Variants in TPMT observed in about 807,000 individuals in gnomAD.
The protein encoded by TPMT is S-adenosyl-L-methionine:thiopurine S-methyltransferase.
Under a neutral mutation model 34.2 loss-of-function variants are expected in TPMT, and 18 were observed. That is an observed-to-expected ratio of 0.53 (90% confidence interval 0.36 to 0.78). TPMT has a LOEUF of 0.78. TPMT is among the 30% of genes least tolerant of loss of function. TPMT has a pLI of 0.00. For synonymous variants in TPMT, 69 were observed against 92.4 expected (o/e 0.75, Z 1.45); for missense variants, 265 against 288.1 (o/e 0.92, Z 0.58).
At position 18,145,103 on chromosome 6, in the gene TPMT, C is replaced by G. The variant is rs575568080; in HGVS notation, c.234-1375G>C. Among the ~76,000 whole-genome samples the G allele has an allele frequency of 1.3e-5, 2 of 152,216 alleles. No homozygotes were observed. The highest frequency in any genetic ancestry group is 2.9e-5 in the Non-Finnish European group (2 of 68,002). On this transcript the variant is annotated intron_variant, in intron 3 of 8. Transcript: ENST00000309983. This position sits in a 1 kb window ranked among gnomAD's most constrained non-coding sequence, Gnocchi z 5.6. ...TCTAGGCACAGTTATGATTTTATGT[C>G]AAGTGAAATAAAAACATAGTTCTGC...
rs1309500943 is a variant in TPMT at position 18,153,833 on chromosome 6, G to C, written c.-45+1200C>G. Among the ~76,000 whole-genome samples the C allele has an allele frequency of 6.6e-6, 1 of 152,218 alleles. No homozygotes were observed. Among genetic ancestry groups the C allele is most frequent in the Non-Finnish European group, 1.5e-5 (1 of 68,036 alleles). On this transcript the variant is annotated intron_variant, in intron 1 of 8. Transcript: ENST00000309983. This position sits in a 1 kb window ranked among gnomAD's most constrained non-coding sequence, Gnocchi z 4.2. The stretch of plus-strand genomic sequence containing the variant: ...TAAAAGAGAAGCATAATCTTTATCA[G>C]AGTTCCACAGCAGCCTGGAGTAGCA...
rs1783900849 is a variant in TPMT at position 18,129,756 on chromosome 6, G to A, written c.*912C>T. 1.3e-5 allele frequency: 2 copies of A among 152,124 alleles called. No homozygotes were observed. The highest frequency in any genetic ancestry group is 2.4e-5 in the African/African-American group (1 of 41,396). The allele number at this position is 152,124 out of a possible 1,614,324, so 9.4% of individuals were successfully genotyped here. A position where few individuals can be genotyped will look rare whatever the true frequency, so the allele number is the denominator to read the frequency against. The stretch of plus-strand genomic sequence containing the variant: ...TTATTCTTAGAATTTGGGAATGTTT[G>A]TTCCATATAGATTGTTTAATTAAAA... On this transcript the variant is annotated 3_prime_UTR_variant, in exon 9 of 9. Coordinates refer to ENST00000309983, the MANE Select transcript of TPMT (RefSeq NM_000367.5).
intron 4 of TPMT, among the ~76,000 whole-genome samples, chr6:18,142,328 C>T (rs776171928): frequency 3.9e-5 from 6 of 152,068 alleles, no homozygotes; most frequent in Non-Finnish European, 8.8e-5. Flanking sequence ...ACTTCACAAC[C>T]TCTGCAGTGA....
rs1372359586 is a variant in TPMT at position 18,135,818 on chromosome 6, G to A, written c.495-1929C>T. On this transcript the variant is annotated intron_variant, in intron 6 of 8. Transcript: ENST00000309983. The surrounding 1 kb of genome is among the most constrained non-coding windows in gnomAD (Gnocchi z 5.0). Reference sequence around the variant, plus strand: ...CAGAAGGCAGGGGTTGCAGTGAGCCGAGATCATGCCATTGCACTCCAGCCT... The same window carrying A: ...CAGAAGGCAGGGGTTGCAGTGAGCCAAGATCATGCCATTGCACTCCAGCCT... 1.3e-5 allele frequency among the ~76,000 whole-genome samples: 2 copies of A among 151,964 alleles called. No homozygotes were observed. Among genetic ancestry groups the A allele is most frequent in the Non-Finnish European group, 2.9e-5 (2 of 67,990 alleles).
At chr6:18,152,098 C>G (rs1282440280) in intron 1 of TPMT, among the ~76,000 whole-genome samples, 1 of 152,138 alleles carries the variant, frequency 6.6e-6, no homozygotes, top group Non-Finnish European at 1.5e-5. Context: ...CTGTTCTGAA[C>G]CAGCATTTCA....
At position 18,136,251 on chromosome 6, in the gene TPMT, C is replaced by A. The variant is rs115214597; in HGVS notation, c.495-2362G>T. Among the ~76,000 whole-genome samples the A allele has an allele frequency of 6.6e-6, 1 of 151,554 alleles. No homozygotes were observed. Among genetic ancestry groups the A allele is most frequent in the Non-Finnish European group, 1.5e-5 (1 of 67,938 alleles). ...GGGTTTCATATACAAATGTGTCTCA[C>A]GGAGACAGAGGTCTCGGTGATATTT... On this transcript the variant is annotated intron_variant, in intron 6 of 8. Coordinates refer to ENST00000309983, the MANE Select transcript of TPMT (RefSeq NM_000367.5). This position sits in a 1 kb window ranked among gnomAD's most constrained non-coding sequence, Gnocchi z 4.7.
intron 1 of TPMT, among the ~76,000 whole-genome samples, chr6:18,151,573 G>GATTGATTGATTGATTT (rs1415941448): frequency 1.4e-5 from 2 of 143,284 alleles, no homozygotes; most frequent in African/African-American, 5.1e-5. Flanking sequence ...TGGAAACCTA[G>GATTGATTGATTGATTT]ATTTATTTAT....
Position 18,143,944 on chromosome 6 carries a change from A to C in TPMT, c.234-216T>G, listed in dbSNP as rs1028288558. Among the ~76,000 whole-genome samples the C allele has an allele frequency of 2.0e-5, 3 of 152,232 alleles. No individual in the cohort carries two copies. Among genetic ancestry groups the C allele is most frequent in the African/African-American group, 7.2e-5 (3 of 41,474 alleles). The stretch of plus-strand genomic sequence containing the variant: ...ACTTATATGAATTCAGGAAACAATA[A>C]AAATTTGGAAAATTATATATATCTT... On this transcript the variant is annotated intron_variant, in intron 3 of 8. Transcript: ENST00000309983. This position sits in a 1 kb window ranked among gnomAD's most constrained non-coding sequence, Gnocchi z 6.1.
In TPMT at chr6:18,136,842, A is replaced by T. The variant is rs202065681; in HGVS notation, c.494+2121T>A. On this transcript the variant is annotated intron_variant, in intron 6 of 8. Coordinates refer to ENST00000309983, the MANE Select transcript of TPMT (RefSeq NM_000367.5). This position sits in a 1 kb window ranked among gnomAD's most constrained non-coding sequence, Gnocchi z 4.7. ...AAAGATTTGATTTTTCTCTCATAAA[A>T]TTTTTTTTTCTTTCTGGTAGGACAA... Among the ~76,000 whole-genome samples the T allele has an allele frequency of 2.0e-5, 3 of 151,974 alleles. No homozygotes were observed. Among genetic ancestry groups the T allele is most frequent in the South Asian group, 4.2e-4 (2 of 4,802 alleles).
Position 18,136,887 on chromosome 6 carries a change from G to A in TPMT, c.494+2076C>T, listed in dbSNP as rs1019131715. On this transcript the variant is annotated intron_variant, in intron 6 of 8. Coordinates refer to ENST00000309983, the MANE Select transcript of TPMT (RefSeq NM_000367.5). The surrounding 1 kb of genome is among the most constrained non-coding windows in gnomAD (Gnocchi z 4.7). ...GGACAAATATTGGCAATTTTTGGGT[G>A]AGAGCATAAGGCTGAGGATGGTGGT... is the stretch of plus-strand genomic sequence containing the variant. Among the ~76,000 whole-genome samples the A allele has an allele frequency of 6.6e-6, 1 of 152,174 alleles. No homozygotes were observed. The highest frequency in any genetic ancestry group is 2.4e-5 in the African/African-American group (1 of 41,440).
At chr6:18,152,061 G>A (rs1784364254) in intron 1 of TPMT, among the ~76,000 whole-genome samples, 1 of 152,152 alleles carries the variant, frequency 6.6e-6, no homozygotes, top group East Asian at 1.9e-4. Flanking sequence ...GTTGCAAGAA[G>A]TTGAGAAAAG....
Position 18,139,055 on chromosome 6 carries a change from A to C in TPMT, c.420-18T>G. 1 of 1,608,452 alleles carries C rather than the reference A, an allele frequency of 6.2e-7. No individual in the cohort carries two copies. Among genetic ancestry groups the C allele is most frequent in the Non-Finnish European group, 8.5e-7 (1 of 1,174,796 alleles). The stretch of plus-strand genomic sequence containing the variant: ...TATTTGTCCTACCAGAAAGAGAAAA[A>C]ACATTTTATGGGAGAAAAATCAAAT... On this transcript the variant is annotated intron_variant, in intron 5 of 8. Transcript: ENST00000309983. This position sits in a 1 kb window ranked among gnomAD's most constrained non-coding sequence, Gnocchi z 4.2.
rs1784041913 is a variant in TPMT at position 18,136,456 on chromosome 6, A to G, written c.494+2507T>C. On this transcript the variant is annotated intron_variant, in intron 6 of 8. Coordinates refer to ENST00000309983, the MANE Select transcript of TPMT (RefSeq NM_000367.5). The surrounding 1 kb of genome is among the most constrained non-coding windows in gnomAD (Gnocchi z 4.7). ...GCATACTATCTATTTGGAACATCAC[A>G]GGAACTTAGTAAATATTTGTTGAAT... is the stretch of plus-strand genomic sequence containing the variant. 6.6e-6 allele frequency among the ~76,000 whole-genome samples: 1 copy of G among 152,224 alleles called. No homozygotes were observed. The highest frequency in any genetic ancestry group is 2.4e-5 in the African/African-American group (1 of 41,462).
chr6:18,147,760 T>A (rs1784274590), intron 3 of TPMT, 63 bp downstream of exon 3: 2 of 1,487,880 alleles, frequency 1.3e-6, no homozygotes, highest in Non-Finnish European at 1.9e-6. Flanking sequence ...CACATCCTGT[T>A]AAATCACCCA....
Position 18,130,377 on chromosome 6 carries a change from A to T in TPMT, c.*291T>A, listed in dbSNP as rs949864480. The T allele has an allele frequency of 5.9e-6, 2 of 337,122 alleles. No homozygotes were observed. The highest frequency in any genetic ancestry group is 4.3e-5 in the African/African-American group (2 of 46,934). 20.9% of individuals were successfully genotyped at this position (337,122 alleles called of 1,614,324 possible). On this transcript the variant is annotated 3_prime_UTR_variant, in exon 9 of 9. Transcript: ENST00000309983. This position sits in a 1 kb window ranked among gnomAD's most constrained non-coding sequence, Gnocchi z 4.2. Reference sequence around the variant, plus strand: ...GAAATATTTTTTTAATTGTACAGGTAACACATGCTGATTGGTAAAATATCT... The same window carrying T: ...GAAATATTTTTTTAATTGTACAGGTTACACATGCTGATTGGTAAAATATCT...
At chr6:18,152,879 G>A (rs1465916362) in intron 1 of TPMT, among the ~76,000 whole-genome samples, 1 of 152,122 alleles carries the variant, frequency 6.6e-6, no homozygotes, top group African/African-American at 2.4e-5. Context: ...TTTTGTGCCT[G>A]ATAAGAGATC....
In TPMT at chr6:18,145,777, C is replaced by T. The variant is rs1784236738; in HGVS notation, c.233+2046G>A. ...ATTGGCTGTATGTGTTTTTATTTCC[C>T]ATTCAACAGATGGAAAAATGAAGCA... On this transcript the variant is annotated intron_variant, in intron 3 of 8. Coordinates refer to ENST00000309983, the MANE Select transcript of TPMT (RefSeq NM_000367.5). This position sits in a 1 kb window ranked among gnomAD's most constrained non-coding sequence, Gnocchi z 5.6. 6.6e-6 allele frequency among the ~76,000 whole-genome samples: 1 copy of T among 152,112 alleles called. No individual in the cohort carries two copies. Among genetic ancestry groups the T allele is most frequent in the Admixed American group, 6.5e-5 (1 of 15,268 alleles).
rs1784086591 is a variant in TPMT at position 18,138,607 on chromosome 6, G to A, written c.494+356C>T. On this transcript the variant is annotated intron_variant, in intron 6 of 8. Coordinates refer to ENST00000309983, the MANE Select transcript of TPMT (RefSeq NM_000367.5). The surrounding 1 kb of genome is among the most constrained non-coding windows in gnomAD (Gnocchi z 4.1). Reference sequence around the variant, plus strand: ...TGAACAATACCTGGAATAGGCAAGTGACCAGTAAGTATTACCTGGTAATAT... The same window carrying A: ...TGAACAATACCTGGAATAGGCAAGTAACCAGTAAGTATTACCTGGTAATAT... 6.6e-6 allele frequency among the ~76,000 whole-genome samples: 1 copy of A among 152,148 alleles called. No individual in the cohort carries two copies. The highest frequency in any genetic ancestry group is 6.6e-5 in the Admixed American group (1 of 15,266).
rs1253051542 is a variant in TPMT, at chr6:18,136,919, G to A, written c.494+2044C>T. On this transcript the variant is annotated intron_variant, in intron 6 of 8. Transcript: ENST00000309983. The surrounding 1 kb of genome is among the most constrained non-coding windows in gnomAD (Gnocchi z 4.7). ...TAAGGCTGAGGATGGTGGTCCCTTG[G>A]GGAATCACGACTTTTAGGCATGCAA... 6.6e-6 allele frequency among the ~76,000 whole-genome samples: 1 copy of A among 152,138 alleles called. No individual in the cohort carries two copies. The highest frequency in any genetic ancestry group is 1.5e-5 in the Non-Finnish European group (1 of 68,036).
Sources: allele counts gnomAD v4.1 joint callset (sites outside exome capture counted in the v4.1 genomes callset), GRCh38; gene constraint gnomAD v4.1.1; non-coding constraint Gnocchi (gnomAD v3.1); transcripts MANE v1.5; gene names NCBI Gene and HGNC (gene_info 2026-07-23, HGNC 2026-07-21).